KCNQ3: variants seen among roughly 807,000 people sequenced by gnomAD.
KCNQ3 encodes potassium voltage-gated channel subfamily Q member 3, also known as potassium voltage-gated channel subfamily KQT member 3.
KCNQ3 carries 30 observed loss-of-function variants against 92.5 expected under a neutral mutation model. The ratio of observed to expected loss-of-function variants is 0.32; its 90% CI spans 0.24 to 0.44. The LOEUF (loss-of-function observed/expected upper bound fraction) is 0.44, where lower values mean the gene tolerates loss of function less well. KCNQ3 is among the 20% of genes least tolerant of loss of function. The probability of loss-of-function intolerance (pLI) is 1.00; values close to 1 mark genes in which losing one functional copy is unlikely to be tolerated. For synonymous variants in KCNQ3, 450 were observed against 468.8 expected (o/e 0.96, Z 0.52); for missense variants, 913 against 1,140.3 (o/e 0.80, Z 2.87).
chr8:132,348,071 G>C (rs73343846), intron 1 of KCNQ3, among the ~76,000 whole-genome samples: 37,055 of 150,752 alleles, frequency 0.25, 5,142 homozygotes, highest in African/African-American at 0.38. Context: ...GAGTTGGACA[G>C]TTCTCTGAGT....
intron 1 of KCNQ3, among the ~76,000 whole-genome samples, chr8:132,272,095 C>T (rs964036431): frequency 5.3e-5 from 8 of 152,226 alleles, no homozygotes; most frequent in South Asian, 2.1e-4. Flanking sequence ...TCTCTTACTA[C>T]GTCTAGGTAA....
intron 1 of KCNQ3, among the ~76,000 whole-genome samples, chr8:132,279,542 T>C (rs1816446924): frequency 6.6e-6 from 1 of 152,218 alleles, no homozygotes; most frequent in East Asian, 1.9e-4. Flanking sequence ...CAGTGGACTC[T>C]ACTTGCAGGT....
chr8:132,137,851 G>A, intron 12 of KCNQ3, 34 bp downstream of exon 12: 1 of 1,612,318 alleles, frequency 6.2e-7, no homozygotes, highest in Non-Finnish European at 8.5e-7. Flanking sequence ...GGGCTTTGAG[G>A]GGAGCGCAGT....
chr8:132,310,482 A>G (rs1447520531), intron 1 of KCNQ3, among the ~76,000 whole-genome samples: 2 of 152,164 alleles, frequency 1.3e-5, no homozygotes, highest in East Asian at 3.8e-4. Flanking sequence ...AGGGTAACCT[A>G]CAGGAGGAGA....
intron 1 of KCNQ3, among the ~76,000 whole-genome samples, chr8:132,325,260 C>T (rs540249058): frequency 3.9e-5 from 6 of 152,166 alleles, no homozygotes; most frequent in East Asian, 1.9e-4. Flanking sequence ...GTTGGACTCA[C>T]GGGATGCAGG....
chr8:132,337,821 C>A (rs1254566696), intron 1 of KCNQ3, among the ~76,000 whole-genome samples: 1 of 152,200 alleles, frequency 6.6e-6, no homozygotes, highest in Admixed American at 6.5e-5. Flanking sequence ...CCCCAAAAAC[C>A]TTTTGTGGGT....
At chr8:132,440,728 G>T (rs1186259578) in intron 1 of KCNQ3, among the ~76,000 whole-genome samples, 1 of 152,096 alleles carries the variant, frequency 6.6e-6, no homozygotes, top group Non-Finnish European at 1.5e-5. Flanking sequence ...ACAGGAGGGG[G>T]GTTACTAACC....
At chr8:132,437,468 G>A (rs1221391822) in intron 1 of KCNQ3, among the ~76,000 whole-genome samples, 5 of 152,076 alleles carry the variant, frequency 3.3e-5, no homozygotes, top group African/African-American at 1.2e-4. Flanking sequence ...TACTGAATGT[G>A]CCTGTTCTTT....
rs546460175 is a variant in KCNQ3 at position 132,460,909 on chromosome 8, C to G, written c.386+19238G>C. 7.4e-4 allele frequency among the ~76,000 whole-genome samples: 113 copies of G among 152,268 alleles called. 1 individual carries two copies. The Middle Eastern group carries it at 0.014, about 18-fold the overall frequency. On this transcript the variant is annotated intron_variant, in intron 1 of 14. Coordinates refer to ENST00000388996, the MANE Select transcript of KCNQ3 (RefSeq NM_004519.4). The stretch of plus-strand genomic sequence containing the variant: ...CACCCTCCTTCCCTATCTTCTAGCC[C>G]CTGACAACTACTGATCTTTTTCCTG...
At chr8:132,388,128 A>C (rs1377140470) in intron 1 of KCNQ3, among the ~76,000 whole-genome samples, 1 of 152,244 alleles carries the variant, frequency 6.6e-6, no homozygotes, top group East Asian at 1.9e-4. Flanking sequence ...AAATCAATTA[A>C]AAATTAAAAT....
At chr8:132,270,681 G>A (rs916180968) in intron 1 of KCNQ3, among the ~76,000 whole-genome samples, 2 of 152,210 alleles carry the variant, frequency 1.3e-5, no homozygotes, top group South Asian at 2.1e-4. Context: ...GGCCCAGCAA[G>A]TCTGAAATAT....
At chr8:132,351,252 T>C (rs1456564926) in intron 1 of KCNQ3, among the ~76,000 whole-genome samples, 3 of 152,224 alleles carry the variant, frequency 2.0e-5, no homozygotes, top group South Asian at 2.1e-4. Context: ...CAGACATAAA[T>C]TGCCAAATAT....
At chr8:132,189,462 T>A (rs894252837) in intron 1 of KCNQ3, among the ~76,000 whole-genome samples, 1 of 152,194 alleles carries the variant, frequency 6.6e-6, no homozygotes, top group Non-Finnish European at 1.5e-5. Context: ...GGAGAATACT[T>A]TATTGATCCG....
intron 1 of KCNQ3, among the ~76,000 whole-genome samples, chr8:132,207,971 G>C (rs950009010): frequency 6.6e-5 from 10 of 151,178 alleles, no homozygotes; most frequent in African/African-American, 2.4e-4. Flanking sequence ...CATTAGCATG[G>C]CAGAGACAGC....
chr8:132,251,913 G>A lies in KCNQ3; in HGVS notation c.387-65732C>T, dbSNP rs111828820. Among the ~76,000 whole-genome samples, 1,142 of 152,324 alleles carry A rather than the reference G, an allele frequency of 7.5e-3. 12 individuals carry two copies. The highest frequency in any genetic ancestry group is 0.025 in the African/African-American group (1,025 of 41,568). ...GTTATCATCACTATATCTAATACAA[G>A]TGGGAAGGACAGATGAAAGTATTCT... On this transcript the variant is annotated intron_variant, in intron 1 of 14. Coordinates refer to ENST00000388996, the MANE Select transcript of KCNQ3 (RefSeq NM_004519.4).
At chr8:132,212,933 G>A (rs1250506636) in intron 1 of KCNQ3, among the ~76,000 whole-genome samples, 1 of 152,136 alleles carries the variant, frequency 6.6e-6, no homozygotes, top group Non-Finnish European at 1.5e-5. Context: ...ACTACCCACG[G>A]AGCAGGTGCA....
At chr8:132,426,885 C>A (rs1448974903) in intron 1 of KCNQ3, among the ~76,000 whole-genome samples, 1 of 152,132 alleles carries the variant, frequency 6.6e-6, no homozygotes, top group Non-Finnish European at 1.5e-5. Context: ...ATAAACAACA[C>A]TTACATTCCT....
At chr8:132,134,253 C>T (rs1414284340) in intron 13 of KCNQ3, 37 bp downstream of exon 13, 12 of 1,524,016 alleles carry the variant, frequency 7.9e-6, no homozygotes, top group Admixed American at 1.7e-5. Flanking sequence ...ACAAACTTTG[C>T]ACCCCTGGCC....
At chr8:132,145,377 T>G (rs1474436851) in intron 9 of KCNQ3, among the ~76,000 whole-genome samples, 2 of 152,244 alleles carry the variant, frequency 1.3e-5, no homozygotes, top group Non-Finnish European at 2.9e-5. Context: ...AGAAAGGGAC[T>G]GCTGTATAGT....
Sources: allele counts gnomAD v4.1 joint callset (sites outside exome capture counted in the v4.1 genomes callset), GRCh38; gene constraint gnomAD v4.1.1; transcripts MANE v1.5; gene names NCBI Gene and HGNC (gene_info 2026-07-23, HGNC 2026-07-21).